EGFLAM: variants seen among roughly 807,000 people sequenced by gnomAD.
EGFLAM encodes the protein EGF like, fibronectin type III and laminin G domains.
Under a neutral mutation model 113.1 loss-of-function variants are expected in EGFLAM, and 79 were observed. The ratio of observed to expected loss-of-function variants is 0.70; its 90% CI spans 0.58 to 0.84. The LOEUF is 0.84. Among genes scored for constraint, EGFLAM ranks in the 40% least tolerant of loss-of-function variants. The probability of loss-of-function intolerance (pLI) is 0.00; values close to 1 mark genes in which losing one functional copy is unlikely to be tolerated. For synonymous variants in EGFLAM, 504 were observed against 487.6 expected, an observed-to-expected ratio of 1.03 and a Z score of -0.44; for missense variants, 1,265 against 1,291.6, an observed-to-expected ratio of 0.98 and a Z score of 0.32.
intron 6 of EGFLAM, among the ~76,000 whole-genome samples, chr5:38,399,149 G>A (rs1741037449): frequency 6.6e-6 from 1 of 152,188 alleles, no homozygotes; most frequent in Non-Finnish European, 1.5e-5. Flanking sequence ...GTTTGCACAG[G>A]AGTCACACCT....
chr5:38,408,568 C>T (rs1741368830), intron 9 of EGFLAM, among the ~76,000 whole-genome samples: 1 of 152,186 alleles, frequency 6.6e-6, no homozygotes, highest in African/African-American at 2.4e-5. Flanking sequence ...GCTATTCTTA[C>T]CATCCTGTTC....
At chr5:38,325,438 G>C (rs965960704) in intron 1 of EGFLAM, among the ~76,000 whole-genome samples, 10 of 152,156 alleles carry the variant, frequency 6.6e-5, no homozygotes, top group African/African-American at 2.2e-4. Context: ...AGACAAAGAT[G>C]GCAGCAATAA....
chr5:38,293,417 A>G (rs1405858821), intron 1 of EGFLAM, among the ~76,000 whole-genome samples: 1 of 152,222 alleles, frequency 6.6e-6, no homozygotes, highest in Non-Finnish European at 1.5e-5. Flanking sequence ...TATAAATTTT[A>G]AGTGGCTTTA....
intron 17 of EGFLAM, 115 bp from the exon 18 acceptor site, chr5:38,448,185 TG>T (rs1055690866): frequency 1.8e-6 from 2 of 1,116,902 alleles, no homozygotes; most frequent in African/African-American, 3.1e-5. Context: ...GGGAAGGGGC[TG>T]ATGAATTGTT....
At chr5:38,461,137 T>C (rs16903976) in intron 20 of EGFLAM, 2 of 152,198 alleles carry the variant, frequency 1.3e-5, no homozygotes, top group Admixed American at 1.3e-4. Flanking sequence ...ACGCATAACA[T>C]CTGATCTCCA....
intron 1 of EGFLAM, among the ~76,000 whole-genome samples, chr5:38,310,393 A>T (rs1323312242): frequency 1.3e-5 from 2 of 152,150 alleles, no homozygotes; most frequent in Non-Finnish European, 2.9e-5. Context: ...AACCTACTAC[A>T]TGAGGTGACT....
chr5:38,302,529 G>A (rs1194360747), intron 1 of EGFLAM, among the ~76,000 whole-genome samples: 1 of 152,104 alleles, frequency 6.6e-6, no homozygotes. Context: ...ATTTTGACAT[G>A]AAACAAATGG....
At chr5:38,280,070 A>C (rs1434270990) in intron 1 of EGFLAM, among the ~76,000 whole-genome samples, 1 of 152,224 alleles carries the variant, frequency 6.6e-6, no homozygotes, top group African/African-American at 2.4e-5. Context: ...AGATTGTTGG[A>C]TAGATATATA....
In EGFLAM at chr5:38,427,086, C is replaced by A; in HGVS notation, c.1888C>A (p.His630Asn). The change falls in exon 14 of 22, where the codon CAT becomes AAT. Residue 630 changes from histidine (H) to asparagine (N), a missense_variant. Coordinates refer to ENST00000322350, the MANE Select transcript of EGFLAM (RefSeq NM_152403.4). ...AATPWPLEPQHYLSFMEFEIT... is the reference protein window; with the variant it reads ...AATPWPLEPQNYLSFMEFEIT... ...AACTCCCTGGCCACTGGAGCCCCAGCATTACCTTTCCTTCATGGAATTTGA... is the reference window on the plus strand; with the variant it reads ...AACTCCCTGGCCACTGGAGCCCCAGAATTACCTTTCCTTCATGGAATTTGA... 1.2e-6 allele frequency: 2 copies of A among 1,614,140 alleles called. No homozygotes were observed. Among genetic ancestry groups the A allele is most frequent in the Non-Finnish European group, 1.7e-6 (2 of 1,180,026 alleles).
chr5:38,266,359 T>A (rs1757635900), intron 1 of EGFLAM, among the ~76,000 whole-genome samples: 1 of 152,088 alleles, frequency 6.6e-6, no homozygotes, highest in Non-Finnish European at 1.5e-5. Flanking sequence ...AAAAATAGGA[T>A]AAAGAAAGAC....
chr5:38,337,585 T>C lies in EGFLAM; in HGVS notation c.163T>C (p.Trp55Arg). Residue 55 changes from tryptophan to arginine, a missense_variant, in exon 2 of 22, where the codon TGG becomes CGG. Trp to Arg is a moderately radical substitution (Grantham distance 101). Coordinates refer to ENST00000322350, the MANE Select transcript of EGFLAM (RefSeq NM_152403.4). ...GAACTGTACGGCTTTCAGCATCCAG[T>C]GGAAAATGCCAAGGCATCCTGGAAG... ...ALNCTAFSIQWKMPRHPGSPI... is the reference protein window; with the variant it reads ...ALNCTAFSIQRKMPRHPGSPI... The C allele has an allele frequency of 6.2e-7, 1 of 1,607,074 alleles. No homozygotes were observed. The highest frequency in any genetic ancestry group is 1.1e-5 in the South Asian group (1 of 89,626).
chr5:38,446,728 C>T (rs1288694950), intron 17 of EGFLAM, among the ~76,000 whole-genome samples: 8 of 152,274 alleles, frequency 5.3e-5, no homozygotes, highest in African/African-American at 1.9e-4. Flanking sequence ...TCGTCCTTTG[C>T]TTTTCTTGTT....
chr5:38,438,184 T>C (rs1742412531), intron 16 of EGFLAM, 91 bp from the exon 17 acceptor site: 1 of 1,423,134 alleles, frequency 7.0e-7, no homozygotes, highest in South Asian at 1.5e-5. Flanking sequence ...TCTCCCTATG[T>C]GTAGCTCAGG....
chr5:38,412,352 A>G, intron 10 of EGFLAM, 152 bp from the exon 11 acceptor site: 1 of 1,144,480 alleles, frequency 8.7e-7, no homozygotes. Context: ...TCTTCCCTGT[A>G]TTGATTTCAA....
chr5:38,333,098 C>T (rs946054928), intron 1 of EGFLAM, among the ~76,000 whole-genome samples: 3 of 152,194 alleles, frequency 2.0e-5, no homozygotes, highest in Admixed American at 1.3e-4. Flanking sequence ...TGATATCCTC[C>T]AGCTCCATTC....
At chr5:38,431,800 G>T (rs190268871) in intron 15 of EGFLAM, among the ~76,000 whole-genome samples, 2 of 152,272 alleles carry the variant, frequency 1.3e-5, no homozygotes, top group East Asian at 3.9e-4. Flanking sequence ...TGGGGATAAT[G>T]GTGATGATAA....
At chr5:38,425,532 G>T (rs1741976416) in intron 13 of EGFLAM, among the ~76,000 whole-genome samples, 1 of 152,134 alleles carries the variant, frequency 6.6e-6, no homozygotes, top group Non-Finnish European at 1.5e-5. Flanking sequence ...ACATTGCTTT[G>T]TTGGGAGAGA....
In EGFLAM at chr5:38,408,507, T is replaced by A. The variant is rs1172678718; in HGVS notation, c.1249-497T>A. Among the ~76,000 whole-genome samples the A allele has an allele frequency of 2.0e-5, 3 of 152,208 alleles. No individual in the cohort carries two copies. In the South Asian group the frequency reaches 6.2e-4, roughly 31 times the overall value. ...AAGTCATGGCCACAGTGTTGAGTCT[T>A]CAAGAAATGACCTGTCTTAGTCTAA... On this transcript the variant is annotated intron_variant, in intron 9 of 21. Coordinates refer to ENST00000322350, the MANE Select transcript of EGFLAM (RefSeq NM_152403.4).
intron 15 of EGFLAM, 121 bp downstream of exon 15, chr5:38,431,409 G>T: frequency 1.1e-6 from 1 of 914,662 alleles, no homozygotes; most frequent in Non-Finnish European, 1.6e-6. Context: ...GTGCCTGTGT[G>T]GAAATCCCAG....
Sources: allele counts gnomAD v4.1 joint callset (sites outside exome capture counted in the v4.1 genomes callset), GRCh38; gene constraint gnomAD v4.1.1; transcripts MANE v1.5; gene names NCBI Gene and HGNC (gene_info 2026-07-23, HGNC 2026-07-21).